The following SETD5 variants were observed in gnomAD, a reference collection of about 807,000 sequenced individuals.
SETD5 encodes histone-lysine N-methyltransferase SETD5.
In SETD5, 44 loss-of-function variants were observed where a neutral mutation model predicts 153.3. The observed-to-expected ratio is 0.29, with a 90% CI of 0.23 to 0.37. The LOEUF (loss-of-function observed/expected upper bound fraction) is 0.37. SETD5 is among the 10% of genes least tolerant of loss of function. The pLI is 1.00. For synonymous variants in SETD5, 716 were observed against 645.2 expected (o/e 1.11, Z -1.66); for missense variants, 1,544 against 1,768.0 (o/e 0.87, Z 2.27).
chr3:9,404,860 C>T (rs560432930), intron 1 of SETD5, among the ~76,000 whole-genome samples: 114 of 152,292 alleles, frequency 7.5e-4, no homozygotes, highest in African/African-American at 2.6e-3. Context: ...CTCATTTTCA[C>T]CAAGACTTAG....
intron 7 of SETD5, among the ~76,000 whole-genome samples, chr3:9,438,241 G>C (rs1298187688): frequency 6.6e-6 from 1 of 152,156 alleles, no homozygotes; most frequent in African/African-American, 2.4e-5. Flanking sequence ...TCATGCCTTT[G>C]CTGGATCCGT....
At chr3:9,445,772 C>G in intron 13 of SETD5, 32 bp downstream of exon 13, 1 of 1,482,916 alleles carries the variant, frequency 6.7e-7, no homozygotes, top group South Asian at 1.3e-5. Context: ...TTTGCTCCTT[C>G]TCATTCCTGC....
intron 1 of SETD5, among the ~76,000 whole-genome samples, chr3:9,423,531 T>C (rs2038723652): frequency 6.6e-6 from 1 of 152,242 alleles, no homozygotes. Context: ...CCTTTTTTTC[T>C]TTCTTATTTG....
intron 10 of SETD5, 27 bp downstream of exon 10, chr3:9,442,272 T>G (rs181743467): frequency 6.8e-7 from 1 of 1,467,928 alleles, no homozygotes; most frequent in Non-Finnish European, 9.5e-7. Context: ...AACTTCCCTT[T>G]GACTGGAACC....
chr3:9,448,495 C>T lies in SETD5; in HGVS notation c.2211C>T (p.Asn737=), dbSNP rs779098000. 4.3e-6 allele frequency: 7 copies of T among 1,614,026 alleles called. No homozygotes were observed. Among genetic ancestry groups the T allele is most frequent in the South Asian group, 1.1e-5 (1 of 91,084 alleles). ...TDPTVLATTL[N]MLPGLIHSPL... ...CAACTGTACTGGCAACGACCCTAAA[C>T]ATGTTACCAGGTCTTATCCATTCCC... Residue 737 remains asparagine, a synonymous_variant, in exon 16 of 23, where the codon AAC becomes AAT. Coordinates refer to ENST00000402198, the MANE Select transcript of SETD5 (RefSeq NM_001080517.3).
rs1553607021 is a variant in SETD5 at position 9,412,393 on chromosome 3, T to TTTTTTTG, written c.-176-12068_-176-12067insGTTTTTT. ...CTACAGTGCACAGTTTTGGGTTTTT[T>TTTTTTTG]TTTTTTTTTTTTTTTTTTTTTTTTA... is the stretch of plus-strand genomic sequence containing the variant. On this transcript the variant is annotated intron_variant, in intron 1 of 22. Coordinates refer to ENST00000402198, the MANE Select transcript of SETD5 (RefSeq NM_001080517.3). 2.1e-4 allele frequency among the ~76,000 whole-genome samples: 28 copies of TTTTTTTG among 136,038 alleles called. No homozygotes were observed. In the East Asian group the frequency reaches 5.7e-3, roughly 28 times the overall value. The allele number at this position is 136,038 out of a possible 152,430, so 89.2% of individuals were successfully genotyped here. A position where few individuals can be genotyped will look rare whatever the true frequency, so the allele number is the denominator to read the frequency against.
Position 9,434,676 on chromosome 3 carries a change from A to C in SETD5, c.330-148A>C. The C allele has an allele frequency of 6.8e-7, 1 of 1,463,958 alleles. No individual in the cohort carries two copies. Among genetic ancestry groups the C allele is most frequent in the Non-Finnish European group, 9.0e-7 (1 of 1,107,532 alleles). 90.7% of individuals were successfully genotyped at this position (1,463,958 alleles called of 1,614,324 possible). On this transcript the variant is annotated intron_variant, in intron 5 of 22. Coordinates refer to ENST00000402198, the MANE Select transcript of SETD5 (RefSeq NM_001080517.3). The surrounding 1 kb of genome is among the most constrained non-coding windows in gnomAD (Gnocchi z 5.6). ...GGAATGAGAGATTGATGTTAAAGCT[A>C]TTGAATTTGATATGAAATTTAATGT...
At chr3:9,416,569 A>G (rs967790569) in intron 1 of SETD5, among the ~76,000 whole-genome samples, 18 of 152,206 alleles carry the variant, frequency 1.2e-4, no homozygotes, top group African/African-American at 4.1e-4. Flanking sequence ...CCACAAGTGT[A>G]TAATTGTAAA....
rs1045775947 is a variant in SETD5, at chr3:9,445,862, C to A, written c.1524+122C>A. On this transcript the variant is annotated intron_variant, in intron 13 of 22. Transcript: ENST00000402198. ...TTTGACCTGAAGGTTATAATTTGGGCTTTTTCCGTAATAAAGATTTTATTA... is the reference window on the plus strand; with the variant it reads ...TTTGACCTGAAGGTTATAATTTGGGATTTTTCCGTAATAAAGATTTTATTA... The A allele has an allele frequency of 2.0e-5, 10 of 491,138 alleles. No individual in the cohort carries two copies. The African/African-American group carries it at 2.1e-4, about 10-fold the overall frequency. 30.4% of individuals were successfully genotyped at this position (491,138 alleles called of 1,614,324 possible). A position where few individuals can be genotyped will look rare whatever the true frequency, so the allele number is the denominator to read the frequency against.
At chr3:9,463,756 C>A (rs1279311127) in intron 17 of SETD5, among the ~76,000 whole-genome samples, 1 of 152,136 alleles carries the variant, frequency 6.6e-6, no homozygotes, top group Non-Finnish European at 1.5e-5. Flanking sequence ...ATTTAGCATC[C>A]CAGTACCTTT....
intron 17 of SETD5, among the ~76,000 whole-genome samples, chr3:9,463,280 C>T (rs2044196118): frequency 6.6e-6 from 1 of 152,156 alleles, no homozygotes; most frequent in Non-Finnish European, 1.5e-5. Context: ...CCTCAGCCTC[C>T]CAAAGTGCTG....
At position 9,424,460 on chromosome 3, in the gene SETD5, T is replaced by C. The variant is rs2038858624; in HGVS notation, c.-176-7T>C. ...TCTGTACTAATTTTTGTCTCAACTT[T>C]TTCTAGGTCTTCAGAACTACTAGCA... is the stretch of plus-strand genomic sequence containing the variant. On this transcript the variant is annotated splice_polypyrimidine_tract_variant and splice_region_variant and intron_variant, in intron 1 of 22. Transcript: ENST00000402198. 6.6e-6 allele frequency: 1 copy of C among 152,212 alleles called. No homozygotes were observed. Among genetic ancestry groups the C allele is most frequent in the Non-Finnish European group, 1.5e-5 (1 of 68,030 alleles). 9.4% of individuals were successfully genotyped at this position (152,212 alleles called of 1,614,324 possible). A position where few individuals can be genotyped will look rare whatever the true frequency, so the allele number is the denominator to read the frequency against.
intron 7 of SETD5, among the ~76,000 whole-genome samples, chr3:9,436,341 G>A (rs1559405280): frequency 5.3e-5 from 8 of 152,136 alleles, no homozygotes. Context: ...AACATCTCTT[G>A]TATGGTCTAG....
At chr3:9,430,296 G>A in intron 3 of SETD5, 1 of 983,640 alleles carries the variant, frequency 1.0e-6, no homozygotes, top group Non-Finnish European at 1.2e-6. Context: ...AAGCTACCCT[G>A]AGAAATAGTA....
intron 3 of SETD5, chr3:9,430,863 A>G (rs943283015): frequency 1.5e-5 from 15 of 985,312 alleles, no homozygotes; most frequent in Middle Eastern, 5.2e-4. Context: ...GTTAACACCA[A>G]CATATCCTAG....
At chr3:9,461,672 A>G (rs148308481) in intron 17 of SETD5, among the ~76,000 whole-genome samples, 37 of 152,324 alleles carry the variant, frequency 2.4e-4, no homozygotes, top group African/African-American at 8.7e-4. Flanking sequence ...CAGTATCATA[A>G]TAAGTACTCA....
intron 21 of SETD5, 120 bp downstream of exon 21, chr3:9,474,702 A>C (rs564008502): frequency 7.2e-7 from 1 of 1,387,134 alleles, no homozygotes; most frequent in East Asian, 2.3e-5. Flanking sequence ...GCTCCACCGC[A>C]TGCTAGGTTC....
At position 9,475,817 on chromosome 3, in the gene SETD5, C is replaced by T. The variant is rs774836101; in HGVS notation, c.4055C>T (p.Pro1352Leu). 3 of 1,614,042 alleles carry T rather than the reference C, an allele frequency of 1.9e-6. No individual in the cohort carries two copies. In the South Asian group the frequency reaches 3.3e-5, roughly 18 times the overall value. Residue 1352 changes from proline (P) to leucine (L), a missense_variant, in exon 23 of 23, where the codon CCC becomes CTC. This residue lies in a region of SETD5 where 302 missense variants were observed against 277.6 expected (regional missense o/e 1.09). Coordinates refer to ENST00000402198, the MANE Select transcript of SETD5 (RefSeq NM_001080517.3). ...GCTGCTAGCCCTACCCTGCAGGGAC[C>T]CTCAGACTCGCCAACCTCAGATTCA... Reference protein sequence around the residue: ...SSAASPTLQGPSDSPTSDSVS... With the variant: ...SSAASPTLQGLSDSPTSDSVS...
chr3:9,437,849 CA>C lies in SETD5; in HGVS notation c.567+1947del, dbSNP rs561303875. Among the ~76,000 whole-genome samples, 30 of 151,512 alleles carry C rather than the reference CA, an allele frequency of 2.0e-4. 1 individual carries two copies. Among genetic ancestry groups the C allele is most frequent in the South Asian group, 1.7e-3 (8 of 4,792 alleles). ...GAAACCCCATCTCTACTAAAAATAC[CA>C]AAATTAGCCAGGCGTGGTGGCAGGC... On this transcript the variant is annotated intron_variant, in intron 7 of 22. Transcript: ENST00000402198.
Sources: gnomAD v4.1 joint callset for allele counts (sites outside exome capture counted in the v4.1 genomes callset) on GRCh38, gnomAD v4.1.1 for gene constraint, gnomAD v4.1.1 regional missense constraint, Gnocchi (gnomAD v3.1) non-coding constraint, MANE v1.5 for transcripts, NCBI Gene and HGNC (gene_info 2026-07-23, HGNC 2026-07-21) for gene names.